Variants in BCAR3 observed in about 807,000 individuals in gnomAD.
BCAR3 encodes BCAR3 adaptor protein, NSP family member, also known as breast cancer anti-estrogen resistance protein 3.
BCAR3 carries 37 observed loss-of-function variants against 80.1 expected under a neutral mutation model. That is an observed-to-expected ratio of 0.46 (90% CI 0.36 to 0.61). The LOEUF is 0.61. Among genes scored for constraint, BCAR3 ranks in the 20% least tolerant of loss-of-function variants. BCAR3 has a pLI of 0.00. For missense variants in BCAR3, 978 were observed against 1,068.2 expected (o/e 0.92, Z 1.18); for synonymous variants, 389 against 418.9 (o/e 0.93, Z 0.87).
chr1:93,695,810 G>T (rs1009314072), intron 3 of BCAR3, among the ~76,000 whole-genome samples: 1 of 152,160 alleles, frequency 6.6e-6, no homozygotes, highest in Non-Finnish European at 1.5e-5. Context: ...TGCTATATTT[G>T]ACATTGTTGA....
intron 8 of BCAR3, 27 bp from the exon 9 acceptor site, chr1:93,571,868 G>T (rs1323519821): frequency 1.2e-6 from 2 of 1,602,288 alleles, no homozygotes; most frequent in African/African-American, 2.7e-5. Flanking sequence ...CAGCGGTCAG[G>T]TTCAGGGCCA....
At chr1:93,840,388 C>T (rs796165593) in intron 2 of BCAR3, among the ~76,000 whole-genome samples, 72 of 152,326 alleles carry the variant, frequency 4.7e-4, no homozygotes, top group African/African-American at 1.7e-3. Context: ...GTCTGATATA[C>T]ATGAAGAACC....
chr1:93,738,789 G>A (rs559404168), intron 2 of BCAR3, among the ~76,000 whole-genome samples: 1 of 152,236 alleles, frequency 6.6e-6, no homozygotes, highest in Admixed American at 6.5e-5. Flanking sequence ...TTAGGACTGG[G>A]GGTGCCAGAT....
At chr1:93,676,700 G>T (rs1648504736) in intron 1 of BCAR3, among the ~76,000 whole-genome samples, 1 of 152,090 alleles carries the variant, frequency 6.6e-6, no homozygotes, top group Admixed American at 6.6e-5. Flanking sequence ...AACCGACTAG[G>T]ATTCTTCCAC....
rs963491818 is a variant in BCAR3, at chr1:93,568,730, A to G, written c.1975-879T>C. 6.6e-5 allele frequency among the ~76,000 whole-genome samples: 10 copies of G among 152,240 alleles called. No homozygotes were observed. In the South Asian group the frequency reaches 1.2e-3, roughly 19 times the overall value. ...ATTCCTTGCCTCAAAAGCATTCAGTATAAGTACATATAGAACAGCCTTATT... is the reference window on the plus strand; with the variant it reads ...ATTCCTTGCCTCAAAAGCATTCAGTGTAAGTACATATAGAACAGCCTTATT... On this transcript the variant is annotated intron_variant, in intron 9 of 11. Transcript: ENST00000260502.
chr1:93,846,896 G>T, intron 1 of BCAR3: 1 of 463,212 alleles, frequency 2.2e-6, no homozygotes. Context: ...TGGGTCTGTG[G>T]GGAGCGAAAT....
intron 2 of BCAR3, among the ~76,000 whole-genome samples, chr1:93,839,370 C>T (rs6660210): frequency 0.6 from 91,785 of 152,160 alleles, 28,944 homozygotes; most frequent in East Asian, 0.78. Context: ...GAATGACAAA[C>T]AACAAGATCT....
At chr1:93,718,342 T>C (rs367867118) in intron 2 of BCAR3, among the ~76,000 whole-genome samples, 35 of 152,226 alleles carry the variant, frequency 2.3e-4, no homozygotes, top group African/African-American at 8.4e-4. Context: ...AAGATGAAGG[T>C]AGAATGCGTA....
chr1:93,796,611 G>C (rs1404640227), intron 2 of BCAR3, among the ~76,000 whole-genome samples: 1 of 152,022 alleles, frequency 6.6e-6, no homozygotes, highest in African/African-American at 2.4e-5. Context: ...GAAATCACCT[G>C]TCTTCTGCGT....
At chr1:93,790,099 T>C (rs1653089505) in intron 2 of BCAR3, among the ~76,000 whole-genome samples, 1 of 152,212 alleles carries the variant, frequency 6.6e-6, no homozygotes, top group Admixed American at 6.5e-5. Context: ...TGAACTAACA[T>C]AATTTTAGCT....
chr1:93,843,537 C>T (rs1369368191), intron 2 of BCAR3, among the ~76,000 whole-genome samples: 1 of 152,206 alleles, frequency 6.6e-6, no homozygotes, highest in Non-Finnish European at 1.5e-5. Context: ...ATTTGAATGA[C>T]AGGGTCCTGA....
intron 2 of BCAR3, among the ~76,000 whole-genome samples, chr1:93,823,032 G>A (rs1417972747): frequency 9.0e-5 from 12 of 133,326 alleles, no homozygotes; most frequent in Admixed American, 3.9e-4. Flanking sequence ...CCTCCCTGCT[G>A]TAGATGCACA....
chr1:93,812,917 G>A (rs754537146), intron 2 of BCAR3, among the ~76,000 whole-genome samples: 1 of 152,038 alleles, frequency 6.6e-6, no homozygotes, highest in East Asian at 1.9e-4. Flanking sequence ...CATCTCCATC[G>A]GCTTTTTCTA....
chr1:93,572,246 C>T (rs1557837359), intron 8 of BCAR3, among the ~76,000 whole-genome samples: 1 of 152,158 alleles, frequency 6.6e-6, no homozygotes, highest in Non-Finnish European at 1.5e-5. Context: ...AATCCCAGGG[C>T]CACCTCCACT....
chr1:93,729,388 G>A (rs1650706031), intron 2 of BCAR3, among the ~76,000 whole-genome samples: 1 of 152,124 alleles, frequency 6.6e-6, no homozygotes, highest in Admixed American at 6.5e-5. Flanking sequence ...ATACTGTACT[G>A]AAAGTGAGAA....
chr1:93,834,073 C>G (rs975802559), intron 2 of BCAR3, among the ~76,000 whole-genome samples: 3 of 152,170 alleles, frequency 2.0e-5, no homozygotes, highest in African/African-American at 7.2e-5. Flanking sequence ...CAGCCAGTCC[C>G]TCCGTTTGGG....
At chr1:93,711,749 A>C (rs1047226179) in intron 2 of BCAR3, among the ~76,000 whole-genome samples, 1 of 152,158 alleles carries the variant, frequency 6.6e-6, no homozygotes, top group Non-Finnish European at 1.5e-5. Context: ...GAGTTTGAAC[A>C]TTTTACCTTT....
intron 2 of BCAR3, chr1:93,775,429 C>G (rs1357891039): frequency 6.6e-6 from 1 of 152,228 alleles, no homozygotes; most frequent in Admixed American, 6.5e-5. Context: ...AGCACGCGCG[C>G]GGCTGGTGAG....
chr1:93,756,016 A>C (rs192362262), intron 2 of BCAR3, among the ~76,000 whole-genome samples: 4 of 152,294 alleles, frequency 2.6e-5, no homozygotes, highest in Non-Finnish European at 4.4e-5. Context: ...AGTGGGGAGA[A>C]TACGTCCCCA....
Sources: gnomAD v4.1 joint callset for allele counts (sites outside exome capture counted in the v4.1 genomes callset) on GRCh38, gnomAD v4.1.1 for gene constraint, MANE v1.5 for transcripts, NCBI Gene and HGNC (gene_info 2026-07-23, HGNC 2026-07-21) for gene names.